GNAS-AS1: variants seen among roughly 807,000 people sequenced by gnomAD.
The protein encoded by GNAS-AS1 is GNAS antisense RNA 1, also known as GNAS antisense RNA 1 (non-protein coding).
At chr20:58,824,377 T>C (rs915746775) in intron 4 of GNAS-AS1, among the ~76,000 whole-genome samples, 3 of 152,206 alleles carry the variant, frequency 2.0e-5, no homozygotes, top group Admixed American at 2.0e-4. Context: ...GCCTAATATG[T>C]GCTAAGAACT....
intron 4 of GNAS-AS1, among the ~76,000 whole-genome samples, chr20:58,837,533 C>A (rs1176118547): frequency 6.6e-6 from 1 of 152,230 alleles, no homozygotes; most frequent in Non-Finnish European, 1.5e-5. Context: ...AGACTAACCT[C>A]CCAGGTTCAA....
chr20:58,850,688 G>T, exon 1 of GNAS-AS1: 1 of 399,008 alleles, frequency 2.5e-6, no homozygotes, highest in South Asian at 1.3e-4. Flanking sequence ...CACCCCGTTG[G>T]CTGGGTTAGC....
chr20:58,827,597 C>G (rs936881185), intron 4 of GNAS-AS1, among the ~76,000 whole-genome samples: 11 of 152,194 alleles, frequency 7.2e-5, no homozygotes, highest in Non-Finnish European at 1.3e-4. Context: ...AGGGATGTGA[C>G]TGCTGACTGT....
chr20:58,822,511 G>T (rs4812034), intron 4 of GNAS-AS1, among the ~76,000 whole-genome samples: 88,151 of 152,036 alleles, frequency 0.58, 25,924 homozygotes, highest in South Asian at 0.68. Context: ...TAAAATCTGC[G>T]GACACCTAAA....
At position 58,841,883 on chromosome 20, in the gene GNAS-AS1, G is replaced by A; in HGVS notation, n.819+54C>T. ...ATCGTCGCAAGTGGAAAGGTAAAGCGGAACAAGGGACAGGCTGGAGACGGG... is the reference window on the plus strand; with the variant it reads ...ATCGTCGCAAGTGGAAAGGTAAAGCAGAACAAGGGACAGGCTGGAGACGGG... On this transcript the variant is annotated intron_variant and non_coding_transcript_variant, in intron 4 of 4. Coordinates refer to ENST00000424094, the Ensembl canonical transcript of GNAS-AS1. This position sits in a 1 kb window ranked among gnomAD's most constrained non-coding sequence, Gnocchi z 5.0. 1.6e-6 allele frequency: 2 copies of A among 1,231,356 alleles called. No individual in the cohort carries two copies. The highest frequency in any genetic ancestry group is 2.0e-6 in the Non-Finnish European group (2 of 987,916). The allele number at this position is 1,231,356 out of a possible 1,614,324, so 76.3% of individuals were successfully genotyped here.
In GNAS-AS1 at chr20:58,832,068, G is replaced by A. The variant is rs140906322; in HGVS notation, n.819+9869C>T. Among the ~76,000 whole-genome samples the A allele has an allele frequency of 2.6e-5, 4 of 152,208 alleles. No individual in the cohort carries two copies. The East Asian group carries it at 5.8e-4, about 22-fold the overall frequency. On this transcript the variant is annotated intron_variant and non_coding_transcript_variant, in intron 4 of 4. Transcript: ENST00000424094. Reference sequence around the variant, plus strand: ...TGAGTGTTTGCCTGAGTAGGCTGCTGGTTGCCTCAAAAACCAACCAATTCT... The same window carrying A: ...TGAGTGTTTGCCTGAGTAGGCTGCTAGTTGCCTCAAAAACCAACCAATTCT...
Position 58,841,280 on chromosome 20 carries a change from T to C in GNAS-AS1, n.819+657A>G. The C allele has an allele frequency of 1.9e-6, 2 of 1,053,408 alleles. No individual in the cohort carries two copies. Among genetic ancestry groups the C allele is most frequent in the Non-Finnish European group, 2.3e-6 (2 of 861,360 alleles). 65.3% of individuals were successfully genotyped at this position (1,053,408 alleles called of 1,614,324 possible). On this transcript the variant is annotated intron_variant and non_coding_transcript_variant, in intron 4 of 4. Transcript: ENST00000424094. The surrounding 1 kb of genome is among the most constrained non-coding windows in gnomAD (Gnocchi z 5.0). ...CTAGAAAGACTAGTCTCAAATAAGTTGGCCTTCTCAGGTGTCCAAAATGTG... is the reference window on the plus strand; with the variant it reads ...CTAGAAAGACTAGTCTCAAATAAGTCGGCCTTCTCAGGTGTCCAAAATGTG...
chr20:58,822,117 T>C (rs549412814), intron 4 of GNAS-AS1, among the ~76,000 whole-genome samples: 1 of 152,324 alleles, frequency 6.6e-6, no homozygotes, highest in South Asian at 2.1e-4. Flanking sequence ...CAGGCAGCCA[T>C]GATGGCTCCC....
chr20:58,827,583 C>T (rs1460255891), intron 4 of GNAS-AS1, among the ~76,000 whole-genome samples: 1 of 152,200 alleles, frequency 6.6e-6, no homozygotes, highest in African/African-American at 2.4e-5. Context: ...GAATGCACGT[C>T]GACAGGGATG....
rs1289595618 is a variant in GNAS-AS1 at position 58,840,310 on chromosome 20, C to G, written n.819+1627G>C. The G allele has an allele frequency of 6.2e-7, 1 of 1,612,856 alleles. No homozygotes were observed. Among genetic ancestry groups the G allele is most frequent in the Admixed American group, 1.7e-5 (1 of 60,032 alleles). ...AGCGCCGGAGCTTCCTTAACGCCCA[C>G]CACCGCTCCGGCGCCCAGGTATTCC... On this transcript the variant is annotated intron_variant and non_coding_transcript_variant, in intron 4 of 4. Transcript: ENST00000424094. This position sits in a 1 kb window ranked among gnomAD's most constrained non-coding sequence, Gnocchi z 6.0.
intron 4 of GNAS-AS1, chr20:58,838,971 C>T (rs990758762): frequency 5.0e-6 from 2 of 397,638 alleles, no homozygotes; most frequent in Non-Finnish European, 8.9e-6. Flanking sequence ...TAAGGGGCCT[C>T]CAGTGAGGAT....
In GNAS-AS1 at chr20:58,822,001, A is replaced by G. The variant is rs141639324; in HGVS notation, n.820-2746T>C. On this transcript the variant is annotated intron_variant and non_coding_transcript_variant, in intron 4 of 4. Transcript: ENST00000424094. ...TTCCTAAGTCATCCCTATCCCGACG[A>G]GAATGAGGGAGGCCGAGGGATGCAC... 1.8e-3 allele frequency among the ~76,000 whole-genome samples: 276 copies of G among 152,324 alleles called. 4 individuals carry two copies. Among genetic ancestry groups the G allele is most frequent in the African/African-American group, 6.3e-3 (262 of 41,572 alleles).
At chr20:58,849,909 A>C (rs2086088865) in intron 1 of GNAS-AS1, among the ~76,000 whole-genome samples, 1 of 152,198 alleles carries the variant, frequency 6.6e-6, no homozygotes, top group Admixed American at 6.5e-5. Flanking sequence ...CAGAACAAAA[A>C]ACTTTCAACA....
intron 4 of GNAS-AS1, chr20:58,824,067 A>G: frequency 2.5e-6 from 1 of 398,714 alleles, no homozygotes; most frequent in Admixed American, 4.4e-5. Flanking sequence ...GTCGGCTTCA[A>G]CATATCCTAA....
intron 2 of GNAS-AS1, chr20:58,844,086 G>T (rs1489545965): frequency 1.3e-5 from 2 of 152,228 alleles, no homozygotes; most frequent in Middle Eastern, 3.4e-3. Context: ...TAAGAATGAG[G>T]TTTTTTGGTT....
chr20:58,843,980 A>T (rs2085843257), intron 2 of GNAS-AS1: 1 of 152,122 alleles, frequency 6.6e-6, no homozygotes. Flanking sequence ...AGCCTTTCTC[A>T]CCCTGGAGTT....
intron 2 of GNAS-AS1, among the ~76,000 whole-genome samples, chr20:58,842,701 G>C (rs935074023): frequency 4.6e-5 from 7 of 152,214 alleles, no homozygotes; most frequent in African/African-American, 1.7e-4. Flanking sequence ...ATGATGGTGT[G>C]TTGGCTTTCT....
At chr20:58,843,084 C>T (rs2085800038) in intron 2 of GNAS-AS1, among the ~76,000 whole-genome samples, 1 of 152,142 alleles carries the variant, frequency 6.6e-6, no homozygotes, top group Admixed American at 6.5e-5. Context: ...AATCTAGGAA[C>T]ACACACTGTC....
Position 58,841,593 on chromosome 20 carries a change from T to C in GNAS-AS1, n.819+344A>G, listed in dbSNP as rs2085730526. The C allele has an allele frequency of 9.8e-7, 1 of 1,019,194 alleles. No individual in the cohort carries two copies. 63.1% of individuals were successfully genotyped at this position (1,019,194 alleles called of 1,614,324 possible). ...CGTCGCTCGCGGGACAGAGACCGCC[T>C]CAAAGAGCGTGCGCACCTGCCCGCG... On this transcript the variant is annotated intron_variant and non_coding_transcript_variant, in intron 4 of 4. Coordinates refer to ENST00000424094, the Ensembl canonical transcript of GNAS-AS1. The surrounding 1 kb of genome is among the most constrained non-coding windows in gnomAD (Gnocchi z 5.0).
Sources: gnomAD v4.1 joint callset for allele counts (sites outside exome capture counted in the v4.1 genomes callset) on GRCh38, gnomAD v4.1.1 for gene constraint, Gnocchi (gnomAD v3.1) non-coding constraint, MANE v1.5 for transcripts, NCBI Gene and HGNC (gene_info 2026-07-23, HGNC 2026-07-21) for gene names.